The following FNDC1 variants were observed in gnomAD, a reference collection of about 807,000 sequenced individuals.
FNDC1 encodes fibronectin type III domain-containing protein 1.
Under a neutral mutation model 168.0 loss-of-function variants are expected in FNDC1, and 96 were observed. The ratio of observed to expected loss-of-function variants is 0.57; its 90% confidence interval spans 0.48 to 0.68. The LOEUF (loss-of-function observed/expected upper bound fraction) is 0.68. Ranked by LOEUF, FNDC1 falls within the 30% of genes least tolerant of loss-of-function variation. The probability of loss-of-function intolerance (pLI) is 0.00; values close to 1 mark genes in which losing one functional copy is unlikely to be tolerated. For synonymous variants in FNDC1, 1,099 were observed against 1,025.9 expected (o/e 1.07, Z -1.36); for missense variants, 2,587 against 2,482.1 (o/e 1.04, Z -0.90).
intron 4 of FNDC1, among the ~76,000 whole-genome samples, chr6:159,214,095 A>G (rs990947999): frequency 1.3e-5 from 2 of 152,246 alleles, no homozygotes; most frequent in Non-Finnish European, 2.9e-5. Context: ...TTACACAATT[A>G]AAGAGGTGCT....
Position 159,169,601 on chromosome 6 carries a change from C to T in FNDC1, c.5C>T (p.Ala2Val), listed in dbSNP as rs1291195338. The T allele has an allele frequency of 9.9e-6, 11 of 1,111,926 alleles. No individual in the cohort carries two copies. The highest frequency in any genetic ancestry group is 1.0e-4 in the Admixed American group (2 of 19,902). 68.9% of individuals were successfully genotyped at this position (1,111,926 alleles called of 1,614,324 possible). Residue 2 changes from alanine to valine, a missense_variant, in exon 1 of 23, where the codon GCC (alanine) becomes GTC (valine). Coordinates refer to ENST00000297267, the MANE Select transcript of FNDC1 (RefSeq NM_032532.3). This position sits in a 1 kb window ranked among gnomAD's most constrained non-coding sequence, Gnocchi z 6.8. M[A>V]PEAGATLRAP... ...CCGGCCCACCCCGGGCTCTCGATGG[C>T]CCCCGAGGCCGGGGCGACCCTGCGC...
chr6:159,177,175 C>G (rs142742021), intron 1 of FNDC1, among the ~76,000 whole-genome samples: 1 of 152,014 alleles, frequency 6.6e-6, no homozygotes, highest in African/African-American at 2.4e-5. Context: ...AGTTCATGGG[C>G]GGGGAGTGGT....
chr6:159,267,894 A>G lies in FNDC1; in HGVS notation c.5537A>G (p.Gln1846Arg), dbSNP rs763956762. 4 of 1,612,180 alleles carry G rather than the reference A, an allele frequency of 2.5e-6. No homozygotes were observed. Among genetic ancestry groups the G allele is most frequent in the Non-Finnish European group, 3.4e-6 (4 of 1,179,044 alleles). ...DSHLDGRTGP[Q>R]SYVEALPTIQ... is the part of the protein sequence containing the mutation. ...CACCTTGATGGAAGAACAGGGCCTC[A>G]GTCCTATGTAGAAGCCCTCCCTACT... The change falls in exon 22 of 23, where the codon CAG becomes CGG. Residue 1846 changes from glutamine (Q) to arginine (R), a missense_variant. Coordinates refer to ENST00000297267, the MANE Select transcript of FNDC1 (RefSeq NM_032532.3).
rs759760763 is a variant in FNDC1 at position 159,226,590 on chromosome 6, T to C, written c.1180+10T>C. ...GAGGGGAAAGTGAAAGGTAGGAATC[T>C]CACTCCCTAAACTGTAAGATGCATT... On this transcript the variant is annotated intron_variant, in intron 9 of 22. Transcript: ENST00000297267. The C allele has an allele frequency of 1.3e-6, 2 of 1,583,254 alleles. No individual in the cohort carries two copies. The highest frequency in any genetic ancestry group is 4.5e-5 in the East Asian group (2 of 44,102).
In FNDC1 at chr6:159,239,899, C is replaced by A; in HGVS notation, c.4563C>A (p.Asp1521Glu). 1 of 1,528,756 alleles carries A rather than the reference C, an allele frequency of 6.5e-7. No homozygotes were observed. The allele number at this position is 1,528,756 out of a possible 1,614,324, so 94.7% of individuals were successfully genotyped here. ...CCCCTGGGACCTTGGAACGGCACGACGATGATGGCAACCTGATAATGAGCT... is the reference window on the plus strand; with the variant it reads ...CCCCTGGGACCTTGGAACGGCACGAAGATGATGGCAACCTGATAATGAGCT... ...TCPPGTLERH[D>E]DDGNLIMSSN... The change falls in exon 14 of 23, where the codon GAC becomes GAA. Residue 1521 changes from aspartate to glutamate, a missense_variant. By Grantham distance (45) the Asp-to-Glu change is conservative. Coordinates refer to ENST00000297267, the MANE Select transcript of FNDC1 (RefSeq NM_032532.3).
At chr6:159,265,101 C>T in intron 20 of FNDC1, 97 bp downstream of exon 20, 1 of 1,063,876 alleles carries the variant, frequency 9.4e-7, no homozygotes, top group South Asian at 1.5e-5. Context: ...AAGTCTGGAC[C>T]ATTTTCACAA....
At chr6:159,266,313 C>T (rs1777592289) in intron 21 of FNDC1, 68 bp downstream of exon 21, 1 of 1,528,960 alleles carries the variant, frequency 6.5e-7, no homozygotes, top group Admixed American at 1.7e-5. Flanking sequence ...ACAAACTTGG[C>T]ACCACAGGTG....
chr6:159,249,842 T>G (rs558891481), intron 16 of FNDC1, among the ~76,000 whole-genome samples: 6 of 152,342 alleles, frequency 3.9e-5, no homozygotes, highest in African/African-American at 1.4e-4. Context: ...AAGCAACAGC[T>G]TAAACTAATA....
At chr6:159,190,356 G>A (rs1377480042) in intron 1 of FNDC1, among the ~76,000 whole-genome samples, 1 of 152,234 alleles carries the variant, frequency 6.6e-6, no homozygotes, top group Non-Finnish European at 1.5e-5. Context: ...AGCCTGGTCG[G>A]CCTTCTTTCT....
intron 4 of FNDC1, among the ~76,000 whole-genome samples, chr6:159,210,283 G>A (rs898438918): frequency 2.6e-5 from 4 of 152,174 alleles, no homozygotes; most frequent in South Asian, 2.1e-4. Context: ...GAGCTGCTAC[G>A]GAGAGAGCTA....
At chr6:159,198,859 A>AC (rs1407175690) in intron 2 of FNDC1, among the ~76,000 whole-genome samples, 3 of 151,914 alleles carry the variant, frequency 2.0e-5, no homozygotes, top group Admixed American at 6.6e-5. Flanking sequence ...ATTCTGTCTG[A>AC]CCCCCGGGCA....
chr6:159,242,856 A>G (rs1025823664), intron 14 of FNDC1, among the ~76,000 whole-genome samples: 6 of 152,222 alleles, frequency 3.9e-5, no homozygotes, highest in African/African-American at 1.2e-4. Flanking sequence ...CATTCACATT[A>G]TAGAATACAT....
In FNDC1 at chr6:159,226,453, C is replaced by T; in HGVS notation, c.1073-20C>T. 6.3e-7 allele frequency: 1 copy of T among 1,590,936 alleles called. No homozygotes were observed. ...TCCGGTAAGGCATTTAAAAATGTTT[C>T]TTTCCTTGTCATTTTGTAGCCCCTA... On this transcript the variant is annotated intron_variant, in intron 8 of 22. Coordinates refer to ENST00000297267, the MANE Select transcript of FNDC1 (RefSeq NM_032532.3).
intron 6 of FNDC1, among the ~76,000 whole-genome samples, chr6:159,223,289 C>T (rs977792790): frequency 6.6e-6 from 1 of 152,200 alleles, no homozygotes; most frequent in Non-Finnish European, 1.5e-5. Context: ...AACCACCACA[C>T]CTGGCCGAAA....
In FNDC1 at chr6:159,232,520, C is replaced by G; in HGVS notation, c.2008C>G (p.Leu670Val). The change falls in exon 11 of 23, where the codon CTG (leucine) becomes GTG (valine). Residue 670 changes from leucine (L) to valine (V), a missense_variant. By Grantham distance (32) the Leu-to-Val change is conservative. Coordinates refer to ENST00000297267, the MANE Select transcript of FNDC1 (RefSeq NM_032532.3). The surrounding 1 kb of genome is among the most constrained non-coding windows in gnomAD (Gnocchi z 4.9). Reference sequence around the variant, plus strand: ...CGCCTTCGCCCAGCCCCGGCCAGCCCTGTCCCCCAGCCGCCAGTCCCCGTC... The same window carrying G: ...CGCCTTCGCCCAGCCCCGGCCAGCCGTGTCCCCCAGCCGCCAGTCCCCGTC... ...KGAFAQPRPA[L>V]SPSRQSPSSV... 1.2e-6 allele frequency: 2 copies of G among 1,612,148 alleles called. No homozygotes were observed. Among genetic ancestry groups the G allele is most frequent in the Non-Finnish European group, 1.7e-6 (2 of 1,179,338 alleles).
intron 5 of FNDC1, chr6:159,218,553 A>C (rs1034674012): frequency 9.9e-5 from 15 of 152,260 alleles, no homozygotes; most frequent in African/African-American, 3.6e-4. Flanking sequence ...CTTATCCTGC[A>C]TGGGATTTTC....
intron 19 of FNDC1, 126 bp downstream of exon 19, chr6:159,261,395 T>C (rs1777481263): frequency 4.7e-6 from 3 of 642,040 alleles, no homozygotes; most frequent in East Asian, 5.8e-5. Context: ...TGGATATCAG[T>C]TTCTAAAGTA....
At chr6:159,178,969 C>G (rs1371811557) in intron 1 of FNDC1, among the ~76,000 whole-genome samples, 1 of 152,160 alleles carries the variant, frequency 6.6e-6, no homozygotes, top group Non-Finnish European at 1.5e-5. Context: ...CTCCCTGACT[C>G]CCTCAGATAC....
chr6:159,261,554 C>A (rs567645872), intron 19 of FNDC1, among the ~76,000 whole-genome samples: 4 of 152,302 alleles, frequency 2.6e-5, no homozygotes, highest in African/African-American at 9.6e-5. Flanking sequence ...TTGACTCTAT[C>A]TGTACAAAAT....
Sources: allele counts gnomAD v4.1 joint callset (sites outside exome capture counted in the v4.1 genomes callset), GRCh38; gene constraint gnomAD v4.1.1; non-coding constraint Gnocchi (gnomAD v3.1); transcripts MANE v1.5; gene names NCBI Gene and HGNC (gene_info 2026-07-23, HGNC 2026-07-21).